TGFBRAP1: variants seen among roughly 807,000 people sequenced by gnomAD.
TGFBRAP1 encodes transforming growth factor beta receptor associated protein 1.
A neutral mutation model predicts 83.2 loss-of-function variants in TGFBRAP1; 20 were observed. That is an observed-to-expected ratio of 0.24 (90% CI 0.17 to 0.35). The LOEUF is 0.35. Among genes scored for constraint, TGFBRAP1 ranks in the 10% least tolerant of loss-of-function variants. The probability of loss-of-function intolerance (pLI) is 1.00; values close to 1 mark genes in which losing one functional copy is unlikely to be tolerated. For synonymous variants in TGFBRAP1, 415 were observed against 459.8 expected (o/e 0.90, Z 1.25); for missense variants, 950 against 1,099.4 (o/e 0.86, Z 1.92).
chr2:105,307,975 T>C lies in TGFBRAP1; in HGVS notation c.327A>G (p.Pro109=), dbSNP rs2104393967. The C allele has an allele frequency of 3.7e-6, 6 of 1,614,240 alleles. No homozygotes were observed. The highest frequency in any genetic ancestry group is 1.6e-4 in the Middle Eastern group (1 of 6,062). ...ISLVNMLNLE[P]VPSGARIKGA... ...CCTTGATGCGGGCCCCCGAAGGCACTGGCTCGAGGTTCAGCATGTTGACCA... is the reference window on the plus strand; with the variant it reads ...CCTTGATGCGGGCCCCCGAAGGCACCGGCTCGAGGTTCAGCATGTTGACCA... Residue 109 remains proline, a synonymous_variant, in exon 2 of 12, where the codon CCA becomes CCG. Transcript: ENST00000393359.
intron 4 of TGFBRAP1, among the ~76,000 whole-genome samples, chr2:105,290,700 T>C (rs546801136): frequency 6.7e-6 from 1 of 150,224 alleles, no homozygotes; most frequent in Non-Finnish European, 1.5e-5. Context: ...TTCAAATAAA[T>C]TATTTTAAAA....
chr2:105,276,395 A>AC (rs931892601), intron 7 of TGFBRAP1, among the ~76,000 whole-genome samples: 4 of 152,096 alleles, frequency 2.6e-5, no homozygotes, highest in African/African-American at 9.6e-5. Flanking sequence ...TGCCTCACCC[A>AC]CCCATACACA....
chr2:105,255,317 T>C, the TGFBRAP1 span, among the ~76,000 whole-genome samples: 1 of 152,006 alleles, frequency 6.6e-6, no homozygotes, highest in Admixed American at 6.5e-5. Context: ...AAGCTTTCCT[T>C]TCTTTCTTTT....
At chr2:105,290,361 C>T (rs1440760581) in intron 4 of TGFBRAP1, among the ~76,000 whole-genome samples, 1 of 152,192 alleles carries the variant, frequency 6.6e-6, no homozygotes, top group Non-Finnish European at 1.5e-5. Context: ...GTCGCTGCAC[C>T]TGGCCAGCAA....
intron 4 of TGFBRAP1, among the ~76,000 whole-genome samples, chr2:105,293,724 T>C (rs770624906): frequency 4.6e-5 from 7 of 152,164 alleles, no homozygotes; most frequent in Non-Finnish European, 5.9e-5. Flanking sequence ...TTGTTTAAGG[T>C]TTCTATTTCA....
intron 4 of TGFBRAP1, among the ~76,000 whole-genome samples, chr2:105,290,742 C>T (rs1427424385): frequency 3.9e-5 from 6 of 152,006 alleles, no homozygotes; most frequent in Non-Finnish European, 5.9e-5. Context: ...AGGTGGCTCA[C>T]ACCTGTAGTC....
rs1282877211 is a variant in TGFBRAP1, at chr2:105,272,954, C to T, written c.1873G>A (p.Ala625Thr). 1.9e-5 allele frequency: 31 copies of T among 1,613,348 alleles called. No individual in the cohort carries two copies. The highest frequency in any genetic ancestry group is 2.5e-5 in the Non-Finnish European group (30 of 1,180,030). ...TCTGCACCCTTGCCACTGGCGGAGG[C>T]CCTCTGCAGCAGCACCTCTTCCAGG... ...LYLEEVLLQR[A>T]SASGKGAEAT... is the part of the protein sequence containing the mutation. The change falls in exon 10 of 12, where the codon GCC (alanine) becomes ACC (threonine). Residue 625 changes from alanine (A) to threonine (T), a missense_variant. Physicochemically the swap from Ala to Thr is moderately conservative, Grantham distance 58. Coordinates refer to ENST00000393359, the MANE Select transcript of TGFBRAP1 (RefSeq NM_004257.6).
chr2:105,318,189 A>C (rs1461119018), intron 1 of TGFBRAP1, among the ~76,000 whole-genome samples: 1 of 152,194 alleles, frequency 6.6e-6, no homozygotes, highest in Non-Finnish European at 1.5e-5. Flanking sequence ...GACACAGGAA[A>C]ACTAGAAACA....
downstream of TGFBRAP1, among the ~76,000 whole-genome samples, chr2:105,262,037 C>T (rs1308463035): frequency 6.6e-6 from 1 of 152,134 alleles, no homozygotes; most frequent in African/African-American, 2.4e-5. Flanking sequence ...TCCTAGAGGA[C>T]ATCTTTTGGT....
chr2:105,259,538 C>T (rs1472783809), downstream of TGFBRAP1, among the ~76,000 whole-genome samples: 5 of 152,170 alleles, frequency 3.3e-5, no homozygotes, highest in African/African-American at 1.2e-4. Flanking sequence ...GACTAGAGAT[C>T]TGGGCACACA....
chr2:105,312,498 G>A (rs886938904), intron 1 of TGFBRAP1, among the ~76,000 whole-genome samples: 1 of 152,080 alleles, frequency 6.6e-6, no homozygotes, highest in Non-Finnish European at 1.5e-5. Context: ...GCACCTCTAA[G>A]TTTGCAAAAA....
intron 10 of TGFBRAP1, among the ~76,000 whole-genome samples, chr2:105,271,993 C>A (rs925626752): frequency 2.6e-5 from 4 of 152,144 alleles, no homozygotes; most frequent in Non-Finnish European, 4.4e-5. Flanking sequence ...TGCTGAAGTG[C>A]TGCCTAGCGC....
In TGFBRAP1 at chr2:105,267,374, C is replaced by T; in HGVS notation, c.*9G>A. The T allele has an allele frequency of 6.2e-7, 1 of 1,614,044 alleles. No individual in the cohort carries two copies. The highest frequency in any genetic ancestry group is 8.5e-7 in the Non-Finnish European group (1 of 1,179,954). On this transcript the variant is annotated 3_prime_UTR_variant, in exon 12 of 12. Coordinates refer to ENST00000393359, the MANE Select transcript of TGFBRAP1 (RefSeq NM_004257.6). ...TCGGAGTTCCCCTCGCACCCTTGGGCCAAGCTTTTCAAGTCCGAGTGCCAG... is the reference window on the plus strand; with the variant it reads ...TCGGAGTTCCCCTCGCACCCTTGGGTCAAGCTTTTCAAGTCCGAGTGCCAG...
In TGFBRAP1 at chr2:105,266,444, C is replaced by G. The variant is rs1676937028; in HGVS notation, c.*939G>C. The G allele has an allele frequency of 6.6e-6, 1 of 152,240 alleles. No homozygotes were observed. The highest frequency in any genetic ancestry group is 2.4e-5 in the African/African-American group (1 of 41,466). 9.4% of individuals were successfully genotyped at this position (152,240 alleles called of 1,614,324 possible). A position where few individuals can be genotyped will look rare whatever the true frequency, so the allele number is the denominator to read the frequency against. On this transcript the variant is annotated 3_prime_UTR_variant, in exon 12 of 12. Transcript: ENST00000393359. ...AACAAGAAAAAATACCCCTAACAAACAGGACAGATGACTCTCTCAACAAGA... is the reference window on the plus strand; with the variant it reads ...AACAAGAAAAAATACCCCTAACAAAGAGGACAGATGACTCTCTCAACAAGA...
chr2:105,284,290 G>A, intron 5 of TGFBRAP1, 26 bp downstream of exon 5: 1 of 1,609,670 alleles, frequency 6.2e-7, no homozygotes. Flanking sequence ...TGTAGTGGCA[G>A]TCTTGCTACC....
chr2:105,255,188 T>C, the TGFBRAP1 span, among the ~76,000 whole-genome samples: 2 of 152,232 alleles, frequency 1.3e-5, no homozygotes, highest in Non-Finnish European at 2.9e-5. Context: ...ATAGTAACCA[T>C]ATTTTCTATT....
At chr2:105,252,287 A>G in the TGFBRAP1 span, among the ~76,000 whole-genome samples, 67 of 152,380 alleles carry the variant, frequency 4.4e-4, 1 homozygote, top group Admixed American at 4.3e-3. Context: ...AAAAGACTGA[A>G]TGATTTTAAA....
Position 105,266,449 on chromosome 2 carries a change from C to T in TGFBRAP1, c.*934G>A, listed in dbSNP as rs1296822735. Reference sequence around the variant, plus strand: ...GAAAAAATACCCCTAACAAACAGGACAGATGACTCTCTCAACAAGAGAGCA... The same window carrying T: ...GAAAAAATACCCCTAACAAACAGGATAGATGACTCTCTCAACAAGAGAGCA... On this transcript the variant is annotated 3_prime_UTR_variant, in exon 12 of 12. Transcript: ENST00000393359. 1 of 152,238 alleles carries T rather than the reference C, an allele frequency of 6.6e-6. No individual in the cohort carries two copies. Among genetic ancestry groups the T allele is most frequent in the Non-Finnish European group, 1.5e-5 (1 of 68,046 alleles). The allele number at this position is 152,238 out of a possible 1,614,324, so 9.4% of individuals were successfully genotyped here.
intron 1 of TGFBRAP1, among the ~76,000 whole-genome samples, chr2:105,325,612 CT>C (rs74581643): frequency 6.6e-6 from 1 of 152,042 alleles, no homozygotes; most frequent in Admixed American, 6.5e-5. Flanking sequence ...CCTGAGGAGT[CT>C]TTGCTATTGC....
Sources: allele counts gnomAD v4.1 joint callset (sites outside exome capture counted in the v4.1 genomes callset), GRCh38; gene constraint gnomAD v4.1.1; transcripts MANE v1.5; gene names NCBI Gene and HGNC (gene_info 2026-07-23, HGNC 2026-07-21).